Variants in ALK observed in about 807,000 individuals in gnomAD.
ALK encodes the protein ALK receptor tyrosine kinase.
A neutral mutation model predicts 163.1 loss-of-function variants in ALK; 74 were observed. That is an observed-to-expected ratio of 0.45 (90% CI 0.38 to 0.55). The LOEUF (loss-of-function observed/expected upper bound fraction) is 0.55, where lower values mean the gene tolerates loss of function less well. Among genes scored for constraint, ALK ranks in the 20% least tolerant of loss-of-function variants. The pLI is 0.00. For missense variants in ALK, 2,063 were observed against 2,105.3 expected, an observed-to-expected ratio of 0.98 and a Z score of 0.39; for synonymous variants, 960 against 843.2, an observed-to-expected ratio of 1.14 and a Z score of -2.40.
intron 12 of ALK, among the ~76,000 whole-genome samples, chr2:29,242,358 A>G (rs1280507713): frequency 1.3e-5 from 2 of 152,232 alleles, no homozygotes; most frequent in Non-Finnish European, 2.9e-5. Context: ...CATGCTGCCC[A>G]TTCCTTTTGG....
At chr2:29,197,410 G>T (rs779788490) in intron 27 of ALK, 132 bp downstream of exon 27, 1 of 1,352,814 alleles carries the variant, frequency 7.4e-7, no homozygotes, top group Non-Finnish European at 1.0e-6. Flanking sequence ...AGTCACATTC[G>T]CATCTTGGGG....
chr2:29,783,846 T>TA (rs1193497008), intron 1 of ALK, among the ~76,000 whole-genome samples: 13 of 152,176 alleles, frequency 8.5e-5, no homozygotes, highest in African/African-American at 3.1e-4. Context: ...AAAGTGTTGT[T>TA]ACGGAGCAGG....
intron 1 of ALK, 59 bp downstream of exon 1, chr2:29,919,934 T>G: frequency 6.3e-7 from 1 of 1,582,172 alleles, no homozygotes; most frequent in Non-Finnish European, 8.6e-7. Flanking sequence ...ATTTAATGGT[T>G]GCATATCAAT....
chr2:29,537,172 T>C (rs11127226), intron 3 of ALK, among the ~76,000 whole-genome samples: 48,445 of 152,150 alleles, frequency 0.32, 8,159 homozygotes, highest in Non-Finnish European at 0.38. Flanking sequence ...GCGAATAGCA[T>C]GACTAAAAGG....
rs533546784 is a variant in ALK at position 29,810,585 on chromosome 2, G to A, written c.668-92888C>T. On this transcript the variant is annotated intron_variant, in intron 1 of 28. Transcript: ENST00000389048. ...TGTGAAGAGATCAGGGGCAGAGTCA[G>A]AAAATGCAGATTCTCCTCCCAGTTT... 5.3e-5 allele frequency among the ~76,000 whole-genome samples: 8 copies of A among 152,278 alleles called. No homozygotes were observed. In the East Asian group the frequency reaches 1.5e-3, roughly 29 times the overall value.
At position 29,920,126 on chromosome 2, in the gene ALK, A is replaced by G. The variant is rs2148443040; in HGVS notation, c.534T>C (p.Ile178=). The G allele has an allele frequency of 3.1e-6, 5 of 1,614,040 alleles. No homozygotes were observed. Among genetic ancestry groups the G allele is most frequent in the African/African-American group, 1.3e-5 (1 of 75,070 alleles). The change falls in exon 1 of 29, where the codon ATT becomes ATC. Residue 178 remains isoleucine (I), a synonymous_variant. Transcript: ENST00000389048. ...FNLSELFSWW[I]RQGEGRLRIR... ...TCCTCAGTCGCCCTTCGCCTTGGCG[A>G]ATCCACCAACTGAACAGCTCGCTGA...
intron 1 of ALK, among the ~76,000 whole-genome samples, chr2:29,883,901 A>T (rs1666926657): frequency 6.6e-6 from 1 of 152,228 alleles, no homozygotes; most frequent in Admixed American, 6.5e-5. Flanking sequence ...TGAATCATAA[A>T]ATATATGTAG....
chr2:29,847,178 G>C (rs4461225), intron 1 of ALK, among the ~76,000 whole-genome samples: 3 of 151,926 alleles, frequency 2.0e-5, no homozygotes, highest in African/African-American at 7.3e-5. Context: ...ACGATACCTC[G>C]GTATTCTCAT....
chr2:29,383,227 G>A (rs1008014501), intron 5 of ALK, among the ~76,000 whole-genome samples: 1 of 151,974 alleles, frequency 6.6e-6, no homozygotes, highest in Admixed American at 6.6e-5. Context: ...GTGTTCTCAA[G>A]GTAGATATCA....
At chr2:29,388,625 T>C (rs560584975) in intron 4 of ALK, among the ~76,000 whole-genome samples, 29 of 152,318 alleles carry the variant, frequency 1.9e-4, no homozygotes, top group African/African-American at 6.5e-4. Flanking sequence ...TTGAGAAGGA[T>C]GCATGCAGAG....
intron 5 of ALK, among the ~76,000 whole-genome samples, chr2:29,358,058 A>G (rs1668294341): frequency 6.6e-6 from 1 of 152,236 alleles, no homozygotes. Flanking sequence ...CAGATGGTAA[A>G]CAGCAGAAAG....
At chr2:29,353,423 C>CA (rs746903529) in intron 5 of ALK, among the ~76,000 whole-genome samples, 31 of 152,062 alleles carry the variant, frequency 2.0e-4, no homozygotes, top group African/African-American at 6.5e-4. Flanking sequence ...GGGAAGAGAG[C>CA]AAAAAAATGA....
chr2:29,302,091 G>C (rs1360141041), intron 8 of ALK, among the ~76,000 whole-genome samples: 1 of 152,186 alleles, frequency 6.6e-6, no homozygotes, highest in Non-Finnish European at 1.5e-5. Context: ...GAAGTAATTG[G>C]AGCCACTTGA....
intron 3 of ALK, among the ~76,000 whole-genome samples, chr2:29,627,513 A>C (rs4233746): frequency 0.63 from 95,911 of 151,770 alleles, 31,344 homozygotes; most frequent in Middle Eastern, 0.75. Context: ...ATTGAGAAGC[A>C]TTTGATCCAT....
intron 12 of ALK, among the ~76,000 whole-genome samples, chr2:29,243,413 G>A (rs999571674): frequency 1.3e-5 from 2 of 152,220 alleles, no homozygotes; most frequent in African/African-American, 4.8e-5. Context: ...AGGCTGTTAT[G>A]ATAATTAAAT....
chr2:29,254,208 C>A (rs1029884920), intron 11 of ALK, among the ~76,000 whole-genome samples: 4 of 152,170 alleles, frequency 2.6e-5, no homozygotes, highest in Admixed American at 6.5e-5. Flanking sequence ...GTCAGTTAAA[C>A]CTCTTTCCTT....
intron 1 of ALK, among the ~76,000 whole-genome samples, chr2:29,810,670 CCTGTG>C (rs935833465): frequency 7.9e-5 from 12 of 152,082 alleles, no homozygotes; most frequent in African/African-American, 2.4e-4. Flanking sequence ...GCTATGCTTT[CCTGTG>C]CTGATAAAGT....
intron 1 of ALK, among the ~76,000 whole-genome samples, chr2:29,819,559 C>A (rs1198582573): frequency 6.6e-6 from 1 of 152,268 alleles, no homozygotes; most frequent in African/African-American, 2.4e-5. Flanking sequence ...GTTTTCACCG[C>A]TGACTGCATT....
chr2:29,609,465 T>G (rs115771082), intron 3 of ALK, among the ~76,000 whole-genome samples: 320 of 151,238 alleles, frequency 2.1e-3, no homozygotes, highest in African/African-American at 7.4e-3. Context: ...TTAGAGGTCT[T>G]CTCTCACTCA....
Sources: gnomAD v4.1 joint callset for allele counts (sites outside exome capture counted in the v4.1 genomes callset) on GRCh38, gnomAD v4.1.1 for gene constraint, MANE v1.5 for transcripts, NCBI Gene and HGNC (gene_info 2026-07-23, HGNC 2026-07-21) for gene names.